Variants in GSG1L observed in about 807,000 individuals in gnomAD.
GSG1L encodes the protein GSG1 like, also known as germ cell-specific gene 1-like protein.
Under a neutral mutation model 42.1 loss-of-function variants are expected in GSG1L, and 24 were observed. The observed-to-expected ratio is 0.57, with a 90% CI of 0.41 to 0.80. The LOEUF (loss-of-function observed/expected upper bound fraction) is 0.80. Among genes scored for constraint, GSG1L ranks in the 30% least tolerant of loss-of-function variants. The pLI, the probability that GSG1L is intolerant of heterozygous loss-of-function variation, is 0.00. For synonymous variants in GSG1L, 215 were observed against 203.5 expected (o/e 1.06, Z -0.48); for missense variants, 445 against 472.2 (o/e 0.94, Z 0.53).
At chr16:28,025,696 G>A (rs767764406) in intron 1 of GSG1L, among the ~76,000 whole-genome samples, 1 of 152,226 alleles carries the variant, frequency 6.6e-6, no homozygotes, top group Non-Finnish European at 1.5e-5. Flanking sequence ...GCCTTTGCCT[G>A]GGACCCTGTG....
intron 3 of GSG1L, among the ~76,000 whole-genome samples, chr16:27,846,814 G>A (rs545625740): frequency 1.1e-4 from 16 of 151,956 alleles, no homozygotes; most frequent in Non-Finnish European, 2.2e-4. Context: ...AAAATTACCC[G>A]GGCGTGGTGG....
At chr16:27,830,026 C>T (rs2083258339) in intron 4 of GSG1L, among the ~76,000 whole-genome samples, 1 of 152,112 alleles carries the variant, frequency 6.6e-6, no homozygotes, top group African/African-American at 2.4e-5. Flanking sequence ...CCAGCCCAAA[C>T]CTGGAGAATT....
chr16:27,831,141 C>T (rs1356244959), intron 4 of GSG1L, among the ~76,000 whole-genome samples: 2 of 152,180 alleles, frequency 1.3e-5, no homozygotes, highest in Admixed American at 6.5e-5. Flanking sequence ...GGAAACAAAG[C>T]TCATCTTTCT....
At chr16:28,000,322 A>G (rs1178319735) in intron 1 of GSG1L, among the ~76,000 whole-genome samples, 1 of 152,200 alleles carries the variant, frequency 6.6e-6, no homozygotes, top group Non-Finnish European at 1.5e-5. Context: ...TGCTAAAGAT[A>G]ATAAAAGTAA....
chr16:27,930,939 T>G (rs2084650401), intron 2 of GSG1L, among the ~76,000 whole-genome samples: 1 of 152,114 alleles, frequency 6.6e-6, no homozygotes, highest in East Asian at 1.9e-4. Flanking sequence ...GGCCTTGTTA[T>G]GTTGCCCAGG....
intron 3 of GSG1L, among the ~76,000 whole-genome samples, chr16:27,861,981 C>A (rs1004310747): frequency 1.3e-5 from 2 of 152,180 alleles, no homozygotes; most frequent in Non-Finnish European, 2.9e-5. Flanking sequence ...TCAGATGTGA[C>A]CCAACCCAAG....
chr16:27,894,822 T>C (rs2084171935), intron 2 of GSG1L, among the ~76,000 whole-genome samples: 1 of 152,060 alleles, frequency 6.6e-6, no homozygotes, highest in Admixed American at 6.5e-5. Flanking sequence ...ACAGAGTAAG[T>C]CAGGAGCAGA....
intron 1 of GSG1L, among the ~76,000 whole-genome samples, chr16:28,047,397 G>C (rs1219370698): frequency 6.6e-6 from 1 of 151,350 alleles, no homozygotes; most frequent in Non-Finnish European, 1.5e-5. Flanking sequence ...TATAGTAAAA[G>C]ATTAAAAAAA....
chr16:28,023,336 T>A (rs2085865642), intron 1 of GSG1L, among the ~76,000 whole-genome samples: 1 of 152,222 alleles, frequency 6.6e-6, no homozygotes, highest in African/African-American at 2.4e-5. Context: ...TTCTATAGAA[T>A]GAATATTCCA....
At chr16:27,879,985 T>C (rs940667332) in intron 3 of GSG1L, among the ~76,000 whole-genome samples, 3 of 151,744 alleles carry the variant, frequency 2.0e-5, no homozygotes, top group African/African-American at 7.3e-5. Context: ...CTGCTTTCTC[T>C]ACCAAGGCAC....
chr16:27,890,653 T>C (rs2084114889), intron 2 of GSG1L, among the ~76,000 whole-genome samples: 1 of 152,156 alleles, frequency 6.6e-6, no homozygotes, highest in Non-Finnish European at 1.5e-5. Context: ...GAGCAGATGA[T>C]GGCATTCTTC....
At chr16:27,838,397 T>C (rs1410609800) in intron 4 of GSG1L, among the ~76,000 whole-genome samples, 1 of 152,170 alleles carries the variant, frequency 6.6e-6, no homozygotes, top group Non-Finnish European at 1.5e-5. Flanking sequence ...GTTTGAAAAC[T>C]CTGGGGCCAG....
At chr16:27,966,039 G>A (rs1011167461) in intron 1 of GSG1L, among the ~76,000 whole-genome samples, 61 of 152,052 alleles carry the variant, frequency 4.0e-4, no homozygotes, top group African/African-American at 1.4e-3. Context: ...ATCTTTAAAC[G>A]TGCCGGGCAT....
chr16:27,868,352 C>T (rs2083758543), intron 3 of GSG1L, among the ~76,000 whole-genome samples: 1 of 152,248 alleles, frequency 6.6e-6, no homozygotes, highest in African/African-American at 2.4e-5. Flanking sequence ...GCTTCTAACA[C>T]TCCAACTCAT....
chr16:27,972,537 G>C (rs1179323872), intron 1 of GSG1L, among the ~76,000 whole-genome samples: 1 of 152,152 alleles, frequency 6.6e-6, no homozygotes, highest in African/African-American at 2.4e-5. Context: ...ATTTATTTTG[G>C]GCATTAAACC....
At chr16:28,013,838 T>G (rs1254303627) in intron 1 of GSG1L, among the ~76,000 whole-genome samples, 1 of 152,252 alleles carries the variant, frequency 6.6e-6, no homozygotes, top group Non-Finnish European at 1.5e-5. Context: ...GCAAAGCTCT[T>G]GCCAATGGCT....
intron 1 of GSG1L, among the ~76,000 whole-genome samples, chr16:28,011,329 T>G (rs1226152550): frequency 6.6e-6 from 1 of 152,042 alleles, no homozygotes; most frequent in Non-Finnish European, 1.5e-5. Context: ...CCGCCCTGGG[T>G]TGGGGGCTGT....
At chr16:27,863,991 T>C (rs1260754670) in intron 3 of GSG1L, among the ~76,000 whole-genome samples, 1 of 152,244 alleles carries the variant, frequency 6.6e-6, no homozygotes. Flanking sequence ...CAGGTGCTCA[T>C]ATGATGAGGT....
intron 1 of GSG1L, among the ~76,000 whole-genome samples, chr16:27,999,037 G>A (rs749099226): frequency 2.6e-5 from 4 of 152,168 alleles, no homozygotes; most frequent in Non-Finnish European, 5.9e-5. Flanking sequence ...ATGTTTACTT[G>A]TACATCTCTC....
Sources: gnomAD v4.1 joint callset for allele counts (sites outside exome capture counted in the v4.1 genomes callset) on GRCh38, gnomAD v4.1.1 for gene constraint, MANE v1.5 for transcripts, NCBI Gene and HGNC (gene_info 2026-07-23, HGNC 2026-07-21) for gene names.